Variants in LINC00305 observed in about 807,000 individuals in gnomAD.
The protein encoded by LINC00305 is long independently transcribed non-coding RNA 305, also known as long intergenic non-protein coding RNA 305.
intron 1 of LINC00305, among the ~76,000 whole-genome samples, chr18:64,118,870 A>G (rs1173532700): frequency 1.3e-5 from 2 of 149,148 alleles, no homozygotes; most frequent in African/African-American, 5.0e-5. Context: ...GTGTGTGTAC[A>G]TATGTCATCC....
intron 1 of LINC00305, among the ~76,000 whole-genome samples, chr18:64,105,006 T>G (rs1292213299): frequency 6.6e-6 from 1 of 151,912 alleles, no homozygotes; most frequent in Non-Finnish European, 1.5e-5. Context: ...TCTTTACTAC[T>G]TCAGCACCCA....
At chr18:64,123,249 T>G (rs1436095925) in intron 1 of LINC00305, among the ~76,000 whole-genome samples, 1 of 152,118 alleles carries the variant, frequency 6.6e-6, no homozygotes, top group Non-Finnish European at 1.5e-5. Context: ...TACCTCTTCT[T>G]GGTCTTCCTA....
intron 1 of LINC00305, among the ~76,000 whole-genome samples, chr18:64,130,036 T>G (rs549807806): frequency 6.6e-6 from 1 of 152,072 alleles, no homozygotes; most frequent in South Asian, 2.1e-4. Flanking sequence ...AACGTGCAGG[T>G]TTGTTACATA....
At position 64,082,518 on chromosome 18, in the gene LINC00305, A is replaced by C. The variant is rs1166162720; in HGVS notation, n.541-2116T>G. 2.0e-5 allele frequency among the ~76,000 whole-genome samples: 3 copies of C among 152,174 alleles called. No individual in the cohort carries two copies. The South Asian group carries it at 6.2e-4, about 32-fold the overall frequency. ...CTGTTGCAATTCCCGTGTCTAGATA[A>C]ATAGGCTCTATCTGGGCAGTGGGCA... On this transcript the variant is annotated intron_variant and non_coding_transcript_variant, in intron 3 of 3. Coordinates refer to ENST00000666468, the Ensembl canonical transcript of LINC00305.
rs370804572 is a variant in LINC00305 at position 64,107,308 on chromosome 18, C to T, written n.315-8668G>A. On this transcript the variant is annotated intron_variant and non_coding_transcript_variant, in intron 1 of 3. Transcript: ENST00000666468. ...TTGGTAGAGGCCATGTGCTACGAAA[C>T]ACTGGGGACATCTGCAGGAGACAGA... Among the ~76,000 whole-genome samples, 17 of 152,322 alleles carry T rather than the reference C, an allele frequency of 1.1e-4. No homozygotes were observed. In the East Asian group the frequency reaches 2.5e-3, roughly 22 times the overall value.
intron 1 of LINC00305, among the ~76,000 whole-genome samples, chr18:64,122,239 A>G (rs968724273): frequency 5.3e-4 from 80 of 152,006 alleles, no homozygotes; most frequent in African/African-American, 1.9e-3. Context: ...TGGGGGTCTT[A>G]GTCATGAATT....
chr18:64,136,083 T>C (rs897455454), intron 1 of LINC00305, among the ~76,000 whole-genome samples: 1 of 152,218 alleles, frequency 6.6e-6, no homozygotes, highest in Non-Finnish European at 1.5e-5. Flanking sequence ...GGGAAGAATG[T>C]GGCAGTGGTG....
rs75994174 is a variant in LINC00305, at chr18:64,091,379, C to A, written n.540+6455G>T. On this transcript the variant is annotated intron_variant and non_coding_transcript_variant, in intron 3 of 3. Transcript: ENST00000666468. ...ATGGGGCAGCAAGGGTCTCTCTCTGCTCACATGGATGATGCTCCATTGTTT... is the reference window on the plus strand; with the variant it reads ...ATGGGGCAGCAAGGGTCTCTCTCTGATCACATGGATGATGCTCCATTGTTT... Among the ~76,000 whole-genome samples, 20 of 152,332 alleles carry A rather than the reference C, an allele frequency of 1.3e-4. No homozygotes were observed. In the East Asian group the frequency reaches 3.9e-3, roughly 29 times the overall value.
intron 1 of LINC00305, among the ~76,000 whole-genome samples, chr18:64,100,179 C>T (rs1351063036): frequency 6.6e-6 from 1 of 151,616 alleles, no homozygotes; most frequent in African/African-American, 2.4e-5. Context: ...GTTGTTATGA[C>T]AGGATTCTTT....
intron 3 of LINC00305, among the ~76,000 whole-genome samples, chr18:64,095,668 A>G (rs1032448444): frequency 6.6e-6 from 1 of 152,254 alleles, no homozygotes; most frequent in Non-Finnish European, 1.5e-5. Flanking sequence ...CTTACTGGCT[A>G]GAAAACTCAC....
At chr18:64,114,774 C>T (rs1056366096) in intron 1 of LINC00305, among the ~76,000 whole-genome samples, 4 of 152,234 alleles carry the variant, frequency 2.6e-5, no homozygotes, top group African/African-American at 9.6e-5. Context: ...GTCTCGAACT[C>T]CTGACCTCAG....
intron 2 of LINC00305, chr18:64,098,108 C>T: frequency 2.5e-6 from 1 of 406,566 alleles, no homozygotes; most frequent in Non-Finnish European, 5.0e-6. Flanking sequence ...GTTCTCTGAC[C>T]AACATTGTCC....
intron 1 of LINC00305, among the ~76,000 whole-genome samples, chr18:64,115,546 A>G (rs1654093783): frequency 6.6e-6 from 1 of 152,120 alleles, no homozygotes; most frequent in Admixed American, 6.5e-5. Flanking sequence ...ATGAGAACCC[A>G]AAGACACATT....
intron 1 of LINC00305, among the ~76,000 whole-genome samples, chr18:64,100,321 A>T (rs1174221107): frequency 6.6e-6 from 1 of 152,184 alleles, no homozygotes; most frequent in African/African-American, 2.4e-5. Flanking sequence ...ATACACAAAA[A>T]GTCAATTGGA....
intron 1 of LINC00305, among the ~76,000 whole-genome samples, chr18:64,104,810 C>G (rs775683007): frequency 5.3e-5 from 8 of 152,064 alleles, no homozygotes; most frequent in Non-Finnish European, 1.0e-4. Context: ...GGACACTCAC[C>G]TTATGTCCGT....
intron 1 of LINC00305, among the ~76,000 whole-genome samples, chr18:64,135,777 G>A (rs182500420): frequency 7.2e-5 from 11 of 152,110 alleles, no homozygotes; most frequent in South Asian, 2.1e-4. Context: ...GTAGAGACAG[G>A]TTTCACCATG....
At position 64,099,438 on chromosome 18, in the gene LINC00305, C is replaced by T. The variant is rs1210905846; in HGVS notation, n.315-798G>A. ...TTTAAAACCTGCTGAGAACTAAGTA[C>T]AGGTTTCAGTGGTTAAGATGCAAGG... is the stretch of plus-strand genomic sequence containing the variant. On this transcript the variant is annotated intron_variant and non_coding_transcript_variant, in intron 1 of 3. Transcript: ENST00000666468. Among the ~76,000 whole-genome samples the T allele has an allele frequency of 2.6e-5, 4 of 152,156 alleles. 1 individual carries two copies. The highest frequency in any genetic ancestry group is 2.1e-4 in the South Asian group (1 of 4,828).
chr18:64,099,448 T>C (rs568169294), intron 1 of LINC00305, among the ~76,000 whole-genome samples: 71 of 152,188 alleles, frequency 4.7e-4, no homozygotes, highest in African/African-American at 1.7e-3. Flanking sequence ...CAGGTTTCAG[T>C]GGTTAAGATG....
At chr18:64,143,604 A>ATACATATG (rs2051478258) in intron 1 of LINC00305, among the ~76,000 whole-genome samples, 1 of 107,926 alleles carries the variant, frequency 9.3e-6, no homozygotes, top group Non-Finnish European at 1.9e-5. Flanking sequence ...ACATATGTAT[A>ATACATATG]TGTACATATG....
Sources: allele counts gnomAD v4.1 joint callset (sites outside exome capture counted in the v4.1 genomes callset), GRCh38; gene constraint gnomAD v4.1.1; transcripts MANE v1.5; gene names NCBI Gene and HGNC (gene_info 2026-07-23, HGNC 2026-07-21).